FAM13B: variants seen among roughly 807,000 people sequenced by gnomAD.
FAM13B encodes family with sequence similarity 13 member B.
FAM13B carries 60 observed loss-of-function variants against 117.3 expected under a neutral mutation model. That is an observed-to-expected ratio of 0.51 (90% confidence interval 0.42 to 0.63). The LOEUF is 0.63. FAM13B is among the 30% of genes least tolerant of loss of function. The probability of loss-of-function intolerance (pLI) is 0.00; values close to 1 mark genes in which losing one functional copy is unlikely to be tolerated. For missense variants in FAM13B, 972 were observed against 1,091.9 expected (o/e 0.89, Z 1.55); for synonymous variants, 332 against 356.1 (o/e 0.93, Z 0.76).
chr5:138,028,336 A>G (rs1347542428), intron 1 of FAM13B, among the ~76,000 whole-genome samples: 2 of 152,206 alleles, frequency 1.3e-5, no homozygotes, highest in African/African-American at 4.8e-5. Flanking sequence ...GAGTAAGAAG[A>G]CTAGTTTATC....
chr5:137,952,608 C>T lies in FAM13B; in HGVS notation c.1930+20G>A. The T allele has an allele frequency of 1.4e-6, 2 of 1,478,162 alleles. No homozygotes were observed. Among genetic ancestry groups the T allele is most frequent in the Non-Finnish European group, 1.8e-6 (2 of 1,097,116 alleles). 91.6% of individuals were successfully genotyped at this position (1,478,162 alleles called of 1,614,324 possible). On this transcript the variant is annotated intron_variant, in intron 17 of 23. Coordinates refer to ENST00000689681, the MANE Select transcript of FAM13B (RefSeq NM_001385994.1). Reference sequence around the variant, plus strand: ...AAATTTTTAAAATGCAAATATATTACAAAATGGCACATAATATACCTTTAA... The same window carrying T: ...AAATTTTTAAAATGCAAATATATTATAAAATGGCACATAATATACCTTTAA...
At chr5:138,025,811 A>G (rs1266873504) in intron 1 of FAM13B, among the ~76,000 whole-genome samples, 1 of 152,226 alleles carries the variant, frequency 6.6e-6, no homozygotes, top group Non-Finnish European at 1.5e-5. Flanking sequence ...AAAAACCCTG[A>G]TTAACACAAA....
At chr5:137,994,906 AACT>A (rs1158380127) in intron 7 of FAM13B, among the ~76,000 whole-genome samples, 7 of 152,212 alleles carry the variant, frequency 4.6e-5, no homozygotes, top group African/African-American at 1.2e-4. Context: ...TAAAATAAGA[AACT>A]ACTATTATTT....
intron 2 of FAM13B, among the ~76,000 whole-genome samples, chr5:138,020,431 T>C (rs751848046): frequency 5.9e-5 from 9 of 152,220 alleles, no homozygotes; most frequent in Non-Finnish European, 1.3e-4. Flanking sequence ...AATAGTTATT[T>C]GTCCTAATTT....
intron 7 of FAM13B, among the ~76,000 whole-genome samples, chr5:137,992,281 G>T (rs1015226669): frequency 2.0e-5 from 3 of 150,060 alleles, no homozygotes; most frequent in African/African-American, 7.3e-5. Flanking sequence ...AATTTTTAAA[G>T]TCTCCTGACA....
At chr5:137,994,335 G>GTTGTACAACT (rs1779347661) in intron 7 of FAM13B, among the ~76,000 whole-genome samples, 1 of 152,158 alleles carries the variant, frequency 6.6e-6, no homozygotes, top group African/African-American at 2.4e-5. Context: ...GTACAACTTT[G>GTTGTACAACT]TTCTCTGAGC....
At chr5:138,015,128 C>T (rs1405028370) in intron 4 of FAM13B, among the ~76,000 whole-genome samples, 1 of 152,176 alleles carries the variant, frequency 6.6e-6, no homozygotes, top group Admixed American at 6.5e-5. Context: ...TTGGGGAAGA[C>T]AGTGCCTTTG....
intron 10 of FAM13B, among the ~76,000 whole-genome samples, chr5:137,981,340 T>C (rs1775693145): frequency 6.6e-6 from 1 of 152,024 alleles, no homozygotes; most frequent in South Asian, 2.1e-4. Context: ...CCCAACACTT[T>C]AGGAGACTGA....
intron 4 of FAM13B, among the ~76,000 whole-genome samples, chr5:138,016,484 A>T (rs776514347): frequency 6.6e-6 from 1 of 152,132 alleles, no homozygotes; most frequent in Non-Finnish European, 1.5e-5. Flanking sequence ...ATTTTAAAAA[A>T]TTAGCCAGGC....
At chr5:137,973,868 T>C (rs2150424226) in intron 10 of FAM13B, among the ~76,000 whole-genome samples, 1 of 143,836 alleles carries the variant, frequency 7.0e-6, no homozygotes, top group Admixed American at 7.1e-5. Flanking sequence ...TCACCATCAC[T>C]GGCCATCAGA....
In FAM13B at chr5:137,973,145, C is replaced by T. The variant is rs571641299; in HGVS notation, c.1180-10676G>A. 2.7e-3 allele frequency among the ~76,000 whole-genome samples: 409 copies of T among 152,220 alleles called. 3 individuals carry two copies. Among genetic ancestry groups the T allele is most frequent in the Non-Finnish European group, 4.6e-3 (310 of 68,008 alleles). ...TATGGAACCAAAAAACAGCCCACATCGCCAAGTCAATCCTGAGCCAAAAGA... is the reference window on the plus strand; with the variant it reads ...TATGGAACCAAAAAACAGCCCACATTGCCAAGTCAATCCTGAGCCAAAAGA... On this transcript the variant is annotated intron_variant, in intron 10 of 23. Coordinates refer to ENST00000689681, the MANE Select transcript of FAM13B (RefSeq NM_001385994.1).
intron 1 of FAM13B, among the ~76,000 whole-genome samples, chr5:138,021,807 T>C: frequency 6.6e-6 from 1 of 152,098 alleles, no homozygotes; most frequent in Non-Finnish European, 1.5e-5. Context: ...CTAGGTTTCT[T>C]TATATAAAAC....
At chr5:138,010,957 TAAAAAAA>T (rs35163730) in intron 6 of FAM13B, 44 bp downstream of exon 6, 15 of 1,079,148 alleles carry the variant, frequency 1.4e-5, no homozygotes, top group Middle Eastern at 3.4e-4. Context: ...ATATTATTCT[TAAAAAAA>T]AAAAAAAAAA....
At chr5:137,959,448 C>T (rs1767519109) in intron 13 of FAM13B, among the ~76,000 whole-genome samples, 168 bp downstream of exon 13, 1 of 152,182 alleles carries the variant, frequency 6.6e-6, no homozygotes, top group South Asian at 2.1e-4. Context: ...CCCAAAATCT[C>T]AGTGTGTTTC....
At chr5:137,954,039 CTCT>C (rs1765743933) in intron 15 of FAM13B, 124 bp downstream of exon 15, 5 of 621,626 alleles carry the variant, frequency 8.0e-6, no homozygotes, top group African/African-American at 2.1e-5. Context: ...CTCAATCTCT[CTCT>C]TTTTTTTTTT....
chr5:137,941,115 A>C (rs917239400), intron 23 of FAM13B, among the ~76,000 whole-genome samples: 4 of 151,996 alleles, frequency 2.6e-5, no homozygotes, highest in African/African-American at 7.3e-5. Flanking sequence ...TCACTGTGTT[A>C]GCCAGGATGG....
chr5:137,953,362 G>C lies in FAM13B; in HGVS notation c.1822C>G (p.Gln608Glu), dbSNP rs1484208910. Residue 608 changes from glutamine to glutamate, a missense_variant, in exon 16 of 24, where the codon CAG becomes GAG. Gln to Glu is a conservative substitution (Grantham distance 29). Coordinates refer to ENST00000689681, the MANE Select transcript of FAM13B (RefSeq NM_001385994.1). ...TTGCTATTTCTTTCCCTTTCAAACT[G>C]TTCCTCAAATTGTCTGATTTTCTTC... ...LQKKIRQFEEQFERERNSKPS... is the reference protein window; with the variant it reads ...LQKKIRQFEEEFERERNSKPS... 1.2e-6 allele frequency: 2 copies of C among 1,613,910 alleles called. No homozygotes were observed. Among genetic ancestry groups the C allele is most frequent in the South Asian group, 2.2e-5 (2 of 91,066 alleles).
rs142939356 is a variant in FAM13B, at chr5:137,943,142, T to C, written c.2415A>G (p.Glu805=). ...IIEGETAHFF[E]EIKEEEEDGV... is the part of the protein sequence containing the mutation. Reference sequence around the variant, plus strand: ...TTCTTTAAAGGATTACCTTGATTTCTTCAAAAAAATGTGCAGTTTCTCCTT... The same window carrying C: ...TTCTTTAAAGGATTACCTTGATTTCCTCAAAAAAATGTGCAGTTTCTCCTT... The change falls in exon 21 of 24, where the codon GAA becomes GAG. Residue 805 remains glutamate (E), a synonymous_variant. Transcript: ENST00000689681. 4.5e-5 allele frequency: 73 copies of C among 1,614,012 alleles called. No individual in the cohort carries two copies. The highest frequency in any genetic ancestry group is 6.2e-5 in the Non-Finnish European group (73 of 1,180,004).
intron 7 of FAM13B, among the ~76,000 whole-genome samples, chr5:138,006,617 T>C (rs1231002255): frequency 6.6e-6 from 1 of 152,186 alleles, no homozygotes; most frequent in Non-Finnish European, 1.5e-5. Context: ...CAGAGTTCCA[T>C]CCTTACAGCC....
Sources: gnomAD v4.1 joint callset for allele counts (sites outside exome capture counted in the v4.1 genomes callset) on GRCh38, gnomAD v4.1.1 for gene constraint, MANE v1.5 for transcripts, NCBI Gene and HGNC (gene_info 2026-07-23, HGNC 2026-07-21) for gene names.